Variants in TMEM135 observed in about 807,000 individuals in gnomAD.
The protein encoded by TMEM135 is transmembrane protein 135.
A neutral mutation model predicts 60.3 loss-of-function variants in TMEM135; 30 were observed. That is an observed-to-expected ratio of 0.50 (90% CI 0.37 to 0.68). The LOEUF (loss-of-function observed/expected upper bound fraction) is 0.68. Ranked by LOEUF, TMEM135 falls within the 30% of genes least tolerant of loss-of-function variation. The probability of loss-of-function intolerance (pLI) is 0.00; values close to 1 mark genes in which losing one functional copy is unlikely to be tolerated. For missense variants in TMEM135, 468 were observed against 548.8 expected (o/e 0.85, Z 1.47); for synonymous variants, 190 against 186.7 (o/e 1.02, Z -0.14).
At chr11:87,238,775 A>G (rs559333304) in intron 6 of TMEM135, among the ~76,000 whole-genome samples, 1 of 152,072 alleles carries the variant, frequency 6.6e-6, no homozygotes, top group Admixed American at 6.6e-5. Flanking sequence ...TAGCATACCC[A>G]GTAGGGAAAA....
intron 4 of TMEM135, among the ~76,000 whole-genome samples, chr11:87,102,530 A>C (rs963558354): frequency 6.6e-6 from 1 of 152,098 alleles, no homozygotes; most frequent in African/African-American, 2.4e-5. Flanking sequence ...GTTTATTAAA[A>C]GGATAAACAT....
intron 4 of TMEM135, among the ~76,000 whole-genome samples, chr11:87,106,093 C>A (rs1027233286): frequency 6.6e-6 from 1 of 151,542 alleles, no homozygotes; most frequent in Non-Finnish European, 1.5e-5. Context: ...GTTGCTGCAA[C>A]TGACAGTATT....
rs1309515551 is a variant in TMEM135 at position 87,136,409 on chromosome 11, T to A, written c.397-20932T>A. Among the ~76,000 whole-genome samples the A allele has an allele frequency of 2.0e-5, 3 of 152,080 alleles. No homozygotes were observed. The East Asian group carries it at 5.8e-4, about 29-fold the overall frequency. On this transcript the variant is annotated intron_variant, in intron 4 of 14. Transcript: ENST00000305494. Reference sequence around the variant, plus strand: ...TTGTTGGATTCAGTGTGCTCAGATTTTCTTAAGAACATTTATAACTATGCC... The same window carrying A: ...TTGTTGGATTCAGTGTGCTCAGATTATCTTAAGAACATTTATAACTATGCC...
At chr11:87,088,840 A>C (rs917471651) in intron 3 of TMEM135, among the ~76,000 whole-genome samples, 6 of 152,198 alleles carry the variant, frequency 3.9e-5, no homozygotes, top group Admixed American at 1.3e-4. Context: ...CCAGTCAAAA[A>C]CACAATTGTC....
rs540633714 is a variant in TMEM135, at chr11:87,060,143, T to C, written c.142-7551T>C. On this transcript the variant is annotated intron_variant, in intron 1 of 14. Transcript: ENST00000305494. ...AAAGAAAGAAAAAAAGTAAATCTTA[T>C]AGATCTTGGACAAGGAAGAGGGTAA... Among the ~76,000 whole-genome samples, 10 of 152,258 alleles carry C rather than the reference T, an allele frequency of 6.6e-5. No homozygotes were observed. In the East Asian group the frequency reaches 7.7e-4, roughly 12 times the overall value.
intron 4 of TMEM135, among the ~76,000 whole-genome samples, chr11:87,128,618 A>G (rs1313380023): frequency 6.6e-6 from 1 of 152,226 alleles, no homozygotes; most frequent in Non-Finnish European, 1.5e-5. Context: ...GTTAACTCTA[A>G]GAAAAATACT....
At chr11:87,165,612 A>G (rs1365906132) in intron 5 of TMEM135, among the ~76,000 whole-genome samples, 2 of 150,692 alleles carry the variant, frequency 1.3e-5, no homozygotes, top group African/African-American at 2.5e-5. Flanking sequence ...TTCAGAAGGA[A>G]TGGTACCAGT....
chr11:87,281,494 AGTGAAAAAAGTTATT>A (rs1251975722), intron 6 of TMEM135, among the ~76,000 whole-genome samples: 2 of 152,242 alleles, frequency 1.3e-5, no homozygotes, highest in Non-Finnish European at 2.9e-5. Context: ...TCACACTTAA[AGTGAAAAAAGTTATT>A]GTGAAAAAGA....
At chr11:87,250,731 A>C (rs1591139823) in intron 6 of TMEM135, among the ~76,000 whole-genome samples, 1 of 152,214 alleles carries the variant, frequency 6.6e-6, no homozygotes, top group Admixed American at 6.5e-5. Flanking sequence ...TTAAAAATAC[A>C]TAAGAACCTA....
intron 1 of TMEM135, among the ~76,000 whole-genome samples, chr11:87,049,490 A>G (rs1949822562): frequency 8.2e-6 from 1 of 122,694 alleles, no homozygotes; most frequent in South Asian, 2.7e-4. Context: ...GCAAATGGAA[A>G]ACAAAAAAAG....
intron 5 of TMEM135, among the ~76,000 whole-genome samples, chr11:87,233,184 A>T (rs553269739): frequency 6.6e-6 from 1 of 152,052 alleles, no homozygotes; most frequent in East Asian, 1.9e-4. Context: ...AAACTCAGTT[A>T]ATCTAAAAGG....
At chr11:87,240,823 A>G (rs1252132476) in intron 6 of TMEM135, among the ~76,000 whole-genome samples, 1 of 152,156 alleles carries the variant, frequency 6.6e-6, no homozygotes, top group African/African-American at 2.4e-5. Context: ...AGTACCAGCT[A>G]GAAATTCTTT....
intron 4 of TMEM135, among the ~76,000 whole-genome samples, chr11:87,145,525 C>T (rs186588010): frequency 3.8e-4 from 58 of 151,944 alleles, no homozygotes; most frequent in African/African-American, 1.4e-3. Context: ...CCATAATGCC[C>T]GTACTAATTT....
chr11:87,185,749 TAAGA>T (rs1939637953), intron 5 of TMEM135, among the ~76,000 whole-genome samples: 1 of 152,202 alleles, frequency 6.6e-6, no homozygotes, highest in Non-Finnish European at 1.5e-5. Flanking sequence ...ATGGGAAAGA[TAAGA>T]TAAAGTCTTG....
chr11:87,224,137 A>G (rs183441004), intron 5 of TMEM135, among the ~76,000 whole-genome samples: 121 of 152,354 alleles, frequency 7.9e-4, no homozygotes, highest in Non-Finnish European at 1.4e-3. Flanking sequence ...ATATGTGAGT[A>G]ACGTACTCAT....
rs143146140 is a variant in TMEM135 at position 87,270,537 on chromosome 11, A to G, written c.510-25245A>G. Reference sequence around the variant, plus strand: ...GGTTGTCTGTAAAAAGTCCTACAATATATAACTAAAGAACATTTCCTTAGT... The same window carrying G: ...GGTTGTCTGTAAAAAGTCCTACAATGTATAACTAAAGAACATTTCCTTAGT... On this transcript the variant is annotated intron_variant, in intron 6 of 14. Transcript: ENST00000305494. Among the ~76,000 whole-genome samples the G allele has an allele frequency of 2.3e-3, 353 of 152,330 alleles. 3 individuals carry two copies. In the South Asian group the frequency reaches 0.032, roughly 14 times the overall value.
rs1555096345 is a variant in TMEM135, at chr11:87,053,205, AAG to A, written c.142-14488_142-14487del. On this transcript the variant is annotated intron_variant, in intron 1 of 14. Transcript: ENST00000305494. ...GGGAGGGATAGCAAAAAAAAAAAAA[AAG>A]TGTATTTTTATGGAATACATAAAAG... 4.0e-5 allele frequency among the ~76,000 whole-genome samples: 6 copies of A among 150,018 alleles called. No homozygotes were observed. In the East Asian group the frequency reaches 6.0e-4, roughly 15 times the overall value.
intron 6 of TMEM135, among the ~76,000 whole-genome samples, chr11:87,273,652 C>G (rs1941913289): frequency 1.3e-5 from 2 of 152,106 alleles, no homozygotes; most frequent in African/African-American, 4.8e-5. Context: ...TTGTTGGAAA[C>G]CAGACCCAAG....
intron 5 of TMEM135, 108 bp from the exon 6 acceptor site, chr11:87,236,530 C>G (rs1940999442): frequency 6.5e-6 from 6 of 918,488 alleles, no homozygotes; most frequent in Non-Finnish European, 1.1e-5. Context: ...GTTTGTATAT[C>G]CTTTTATTGT....
Sources: gnomAD v4.1 joint callset for allele counts (sites outside exome capture counted in the v4.1 genomes callset) on GRCh38, gnomAD v4.1.1 for gene constraint, MANE v1.5 for transcripts, NCBI Gene and HGNC (gene_info 2026-07-23, HGNC 2026-07-21) for gene names.